WWOX: variants seen among roughly 807,000 people sequenced by gnomAD.
WWOX encodes the protein WW domain-containing oxidoreductase.
In WWOX, 69 loss-of-function variants were observed where a neutral mutation model predicts 46.2. The ratio of observed to expected loss-of-function variants is 1.49; its 90% CI spans 1.23 to 1.82. The LOEUF (loss-of-function observed/expected upper bound fraction) is 1.82, where lower values mean the gene tolerates loss of function less well. WWOX is among the 40% of genes most tolerant of loss of function. WWOX has a pLI of 0.00. For missense variants in WWOX, 919 were observed against 542.6 expected (o/e 1.69, Z -6.89); for synonymous variants, 359 against 202.6 (o/e 1.77, Z -6.56).
chr16:79,077,032 C>T (rs954067161), intron 8 of WWOX, among the ~76,000 whole-genome samples: 3 of 152,076 alleles, frequency 2.0e-5, no homozygotes, highest in African/African-American at 7.2e-5. Context: ...AAAACAGTAG[C>T]CGATCATCAA....
intron 5 of WWOX, among the ~76,000 whole-genome samples, chr16:78,334,456 A>C (rs745607593): frequency 7.9e-5 from 12 of 152,206 alleles, no homozygotes; most frequent in Non-Finnish European, 1.5e-4. Flanking sequence ...TTAAAGATAC[A>C]GCAAGCACTT....
intron 8 of WWOX, among the ~76,000 whole-genome samples, chr16:78,795,673 C>G (rs80204836): frequency 2.0e-5 from 3 of 152,174 alleles, no homozygotes; most frequent in African/African-American, 7.2e-5. Context: ...TATTAACATA[C>G]ACAGTCAGCA....
intron 8 of WWOX, among the ~76,000 whole-genome samples, chr16:79,104,991 A>G (rs999817589): frequency 3.9e-5 from 6 of 152,092 alleles, no homozygotes; most frequent in Admixed American, 3.9e-4. Flanking sequence ...CAATTTCCTC[A>G]TGATACTGGA....
intron 8 of WWOX, among the ~76,000 whole-genome samples, chr16:78,852,620 A>G (rs1252534210): frequency 1.3e-5 from 2 of 152,126 alleles, no homozygotes; most frequent in Non-Finnish European, 2.9e-5. Flanking sequence ...TGAATTCTTG[A>G]CCCAGAAAAT....
intron 8 of WWOX, among the ~76,000 whole-genome samples, chr16:79,163,213 A>C (rs1012840381): frequency 2.0e-5 from 3 of 152,154 alleles, no homozygotes; most frequent in African/African-American, 7.2e-5. Context: ...GGAGGAGGGA[A>C]GAAAGTGAGG....
At chr16:78,802,598 T>C (rs1567570526) in intron 8 of WWOX, among the ~76,000 whole-genome samples, 2 of 152,014 alleles carry the variant, frequency 1.3e-5, no homozygotes, top group African/African-American at 4.8e-5. Flanking sequence ...TTTGTGAATA[T>C]AGTGAGTGAC....
At chr16:78,484,520 T>G (rs2084581823) in intron 8 of WWOX, among the ~76,000 whole-genome samples, 1 of 152,238 alleles carries the variant, frequency 6.6e-6, no homozygotes, top group Non-Finnish European at 1.5e-5. Context: ...TGCATTTATA[T>G]CTGCGTGTTA....
chr16:78,337,091 CTTAATT>C (rs745747361), intron 5 of WWOX, among the ~76,000 whole-genome samples: 98 of 152,154 alleles, frequency 6.4e-4, no homozygotes, highest in South Asian at 2.1e-3. Context: ...CTAGGATAAT[CTTAATT>C]TTAAGTAGCT....
In WWOX at chr16:78,257,430, G is replaced by A. The variant is rs182166127; in HGVS notation, c.516+93141G>A. Among the ~76,000 whole-genome samples, 25 of 152,280 alleles carry A rather than the reference G, an allele frequency of 1.6e-4. No homozygotes were observed. The East Asian group carries it at 4.4e-3, about 27-fold the overall frequency. The stretch of plus-strand genomic sequence containing the variant: ...TGACAGTTACAGGCTCCCGTGAGGC[G>A]GTGCAGGCTCCTCCGAGCCAGGGAT... On this transcript the variant is annotated intron_variant, in intron 5 of 8. Coordinates refer to ENST00000566780, the MANE Select transcript of WWOX (RefSeq NM_016373.4).
At chr16:78,865,521 A>C (rs937662641) in intron 8 of WWOX, among the ~76,000 whole-genome samples, 3 of 152,162 alleles carry the variant, frequency 2.0e-5, no homozygotes, top group Non-Finnish European at 2.9e-5. Flanking sequence ...TAGCAATACA[A>C]ATTTATAATT....
intron 8 of WWOX, among the ~76,000 whole-genome samples, chr16:78,906,094 G>C (rs902313013): frequency 6.6e-6 from 1 of 152,192 alleles, no homozygotes; most frequent in Admixed American, 6.5e-5. Flanking sequence ...TAGGGACCTT[G>C]AGTAAACTGA....
intron 8 of WWOX, among the ~76,000 whole-genome samples, chr16:79,064,921 A>G (rs1271570120): frequency 6.6e-6 from 1 of 152,216 alleles, no homozygotes; most frequent in Non-Finnish European, 1.5e-5. Context: ...TCTGATGGCC[A>G]GTGCAAATGG....
chr16:78,792,892 A>G (rs1378915504), intron 8 of WWOX, among the ~76,000 whole-genome samples: 4 of 152,160 alleles, frequency 2.6e-5, no homozygotes, highest in Non-Finnish European at 5.9e-5. Flanking sequence ...CTAGAAGGAC[A>G]GAGTGCTGTA....
At chr16:79,108,698 T>C (rs1398013029) in intron 8 of WWOX, among the ~76,000 whole-genome samples, 1 of 152,090 alleles carries the variant, frequency 6.6e-6, no homozygotes, top group African/African-American at 2.4e-5. Flanking sequence ...GCCCAGGAGT[T>C]TGAGACCAGC....
At chr16:78,782,958 C>G (rs915660965) in intron 8 of WWOX, among the ~76,000 whole-genome samples, 3 of 152,134 alleles carry the variant, frequency 2.0e-5, no homozygotes, top group African/African-American at 7.2e-5. Context: ...ATACATCAGG[C>G]CATTTCTATG....
intron 5 of WWOX, chr16:78,237,506 CT>C (rs1306016479): frequency 6.6e-6 from 1 of 152,102 alleles, no homozygotes; most frequent in Non-Finnish European, 1.5e-5. Flanking sequence ...CAGCCAAGTG[CT>C]TTCACTTGGT....
intron 8 of WWOX, among the ~76,000 whole-genome samples, chr16:78,486,208 A>G (rs2084631940): frequency 6.6e-6 from 1 of 152,186 alleles, no homozygotes; most frequent in Admixed American, 6.5e-5. Context: ...AAATACTCAC[A>G]CCTTGGCTGA....
Position 78,994,747 on chromosome 16 carries a change from CG to C in WWOX, c.1057-216860del, listed in dbSNP as rs200365305. ...TTCATCTCAGTTAATGGCAGGGAAA[CG>C]AAGGCAGAGAAGGACTTTCTTTGGA... On this transcript the variant is annotated intron_variant, in intron 8 of 8. Transcript: ENST00000566780. Among the ~76,000 whole-genome samples, 859 of 152,058 alleles carry C rather than the reference CG, an allele frequency of 5.6e-3. 29 individuals carry two copies. Among genetic ancestry groups the C allele is most frequent in the Admixed American group, 0.043 (661 of 15,272 alleles).
chr16:78,154,635 G>C (rs1036776407), intron 4 of WWOX, among the ~76,000 whole-genome samples: 5 of 151,864 alleles, frequency 3.3e-5, no homozygotes, highest in African/African-American at 4.8e-5. Flanking sequence ...TTGCACCATG[G>C]GTTCAAGCTC....
Sources: allele counts gnomAD v4.1 joint callset (sites outside exome capture counted in the v4.1 genomes callset), GRCh38; gene constraint gnomAD v4.1.1; transcripts MANE v1.5; gene names NCBI Gene and HGNC (gene_info 2026-07-23, HGNC 2026-07-21).